DLG1: variants seen among roughly 807,000 people sequenced by gnomAD.
The protein encoded by DLG1 is discs large MAGUK scaffold protein 1, also known as disks large homolog 1.
In DLG1, 42 loss-of-function variants were observed where a neutral mutation model predicts 123.4. That is an observed-to-expected ratio of 0.34 (90% CI 0.27 to 0.44). DLG1 has a LOEUF of 0.44. Ranked by LOEUF, DLG1 falls within the 20% of genes least tolerant of loss-of-function variation. The pLI is 1.00. For missense variants in DLG1, 942 were observed against 1,082.6 expected, an observed-to-expected ratio of 0.87 and a Z score of 1.82; for synonymous variants, 317 against 356.2, an observed-to-expected ratio of 0.89 and a Z score of 1.24.
At chr3:197,205,957 T>C (rs1728298140) in intron 4 of DLG1, among the ~76,000 whole-genome samples, 1 of 152,236 alleles carries the variant, frequency 6.6e-6, no homozygotes, top group Admixed American at 6.5e-5. Context: ...TGTTTTCCAA[T>C]TCCTTCTTCC....
chr3:197,198,463 G>C (rs1337148552), intron 4 of DLG1, among the ~76,000 whole-genome samples: 2 of 137,670 alleles, frequency 1.5e-5, no homozygotes, highest in Admixed American at 8.2e-5. Context: ...CTCCAGCCTG[G>C]GTGACACAGC....
intron 4 of DLG1, among the ~76,000 whole-genome samples, chr3:197,256,578 C>G (rs1159608016): frequency 6.6e-6 from 1 of 152,166 alleles, no homozygotes; most frequent in East Asian, 1.9e-4. Flanking sequence ...AATAAACATG[C>G]AAAGATTTAA....
At chr3:197,207,209 C>T (rs1489008998) in intron 4 of DLG1, among the ~76,000 whole-genome samples, 1 of 152,122 alleles carries the variant, frequency 6.6e-6, no homozygotes, top group East Asian at 1.9e-4. Flanking sequence ...CTGCTCTTTA[C>T]GCAAAGTTAC....
intron 4 of DLG1, among the ~76,000 whole-genome samples, chr3:197,200,257 G>A (rs1466202717): frequency 6.6e-6 from 1 of 152,060 alleles, no homozygotes; most frequent in Admixed American, 6.5e-5. Context: ...ATACCAGACA[G>A]TTGAACAAAT....
intron 5 of DLG1, among the ~76,000 whole-genome samples, chr3:197,179,801 A>G (rs1405861028): frequency 2.0e-5 from 3 of 152,160 alleles, no homozygotes; most frequent in Non-Finnish European, 4.4e-5. Context: ...CTCAGAAGGC[A>G]TCTGTTTCAG....
intron 18 of DLG1, among the ~76,000 whole-genome samples, chr3:197,072,791 C>A (rs774076743): frequency 2.6e-5 from 4 of 152,096 alleles, no homozygotes; most frequent in Non-Finnish European, 5.9e-5. Context: ...CTCCCGGGTT[C>A]AAGTGATTCT....
intron 11 of DLG1, among the ~76,000 whole-genome samples, chr3:197,120,196 G>A (rs1243273952): frequency 6.6e-6 from 1 of 151,362 alleles, no homozygotes; most frequent in African/African-American, 2.4e-5. Flanking sequence ...GGGAGGTGGA[G>A]GTTGCAGTGA....
At chr3:197,106,349 T>C (rs1056178252) in intron 13 of DLG1, among the ~76,000 whole-genome samples, 2 of 152,146 alleles carry the variant, frequency 1.3e-5, no homozygotes, top group African/African-American at 4.8e-5. Context: ...GAAGTTACAG[T>C]GAGCTGAGAT....
At chr3:197,231,441 C>A (rs1311785407) in intron 4 of DLG1, among the ~76,000 whole-genome samples, 5 of 152,068 alleles carry the variant, frequency 3.3e-5, no homozygotes, top group African/African-American at 4.8e-5. Context: ...TGGTCTTACA[C>A]CTATAATCCC....
intron 2 of DLG1, 149 bp from the exon 3 acceptor site, chr3:197,296,626 T>G (rs542507476): frequency 1.7e-6 from 1 of 584,168 alleles, no homozygotes; most frequent in Admixed American, 3.4e-5. Context: ...ACATATTCCT[T>G]AGAATGACCA....
chr3:197,059,263 TTAAAG>T (rs1734123881), intron 23 of DLG1, among the ~76,000 whole-genome samples: 2 of 152,192 alleles, frequency 1.3e-5, no homozygotes, highest in South Asian at 4.1e-4. Context: ...ACTTCTTGCC[TTAAAG>T]TATATTCGTC....
rs115883647 is a variant in DLG1, at chr3:197,178,331, C to T, written c.483+16094G>A. On this transcript the variant is annotated intron_variant, in intron 5 of 24. Coordinates refer to ENST00000667157, the MANE Select transcript of DLG1 (RefSeq NM_001366207.1). Reference sequence around the variant, plus strand: ...ACAGGATTTGGCATCAGACTGGATACGGAGCAAAGAAAAAAGGAATAAAAG... The same window carrying T: ...ACAGGATTTGGCATCAGACTGGATATGGAGCAAAGAAAAAAGGAATAAAAG... 6.6e-3 allele frequency among the ~76,000 whole-genome samples: 1,007 copies of T among 151,984 alleles called. 9 individuals carry two copies. The highest frequency in any genetic ancestry group is 0.02 in the African/African-American group (824 of 41,458).
intron 16 of DLG1, among the ~76,000 whole-genome samples, chr3:197,083,951 C>T (rs922440357): frequency 2.5e-4 from 38 of 152,084 alleles, no homozygotes; most frequent in East Asian, 1.7e-3. Context: ...CCAGCGTGGG[C>T]GACAGAGCAA....
intron 5 of DLG1, among the ~76,000 whole-genome samples, chr3:197,155,527 G>A (rs1795987760): frequency 6.6e-6 from 1 of 151,848 alleles, no homozygotes; most frequent in Non-Finnish European, 1.5e-5. Context: ...AAATACATAG[G>A]TAATAATAAA....
At chr3:197,281,044 A>G (rs761028943) in intron 4 of DLG1, among the ~76,000 whole-genome samples, 76 of 136,224 alleles carry the variant, frequency 5.6e-4, no homozygotes, top group Admixed American at 2.3e-3. Flanking sequence ...TTTTTTTGAG[A>G]CGGAGTCTCG....
At chr3:197,200,369 G>C (rs2150318669) in intron 4 of DLG1, among the ~76,000 whole-genome samples, 1 of 152,152 alleles carries the variant, frequency 6.6e-6, no homozygotes, top group African/African-American at 2.4e-5. Context: ...TTCCATGCAA[G>C]CCAATATACT....
At chr3:197,048,662 T>C (rs1156293058) in intron 24 of DLG1, among the ~76,000 whole-genome samples, 1 of 152,270 alleles carries the variant, frequency 6.6e-6, no homozygotes, top group East Asian at 1.9e-4. Flanking sequence ...ATTATTACTA[T>C]TATTATTTTT....
At chr3:197,052,325 C>A (rs1374741300) in intron 23 of DLG1, among the ~76,000 whole-genome samples, 1 of 151,990 alleles carries the variant, frequency 6.6e-6, no homozygotes, top group Non-Finnish European at 1.5e-5. Flanking sequence ...TGTGGTGGCG[C>A]ATGCCTGTAA....
intron 4 of DLG1, among the ~76,000 whole-genome samples, chr3:197,242,556 TA>T (rs58174342): frequency 0.046 from 6,362 of 139,288 alleles, 182 homozygotes; most frequent in Non-Finnish European, 0.059. Context: ...TCTGAACAAA[TA>T]AAAAAAAAAA....
Sources: gnomAD v4.1 joint callset for allele counts (sites outside exome capture counted in the v4.1 genomes callset) on GRCh38, gnomAD v4.1.1 for gene constraint, MANE v1.5 for transcripts, NCBI Gene and HGNC (gene_info 2026-07-23, HGNC 2026-07-21) for gene names.